Variants in NLRP14 observed in about 807,000 individuals in gnomAD.
NLRP14 encodes the protein NLR family pyrin domain containing 14, also known as NACHT, LRR and PYD domains-containing protein 14.
In NLRP14, 105 loss-of-function variants were observed where a neutral mutation model predicts 94.7. That is an observed-to-expected ratio of 1.11 (90% CI 0.95 to 1.30). The LOEUF (loss-of-function observed/expected upper bound fraction) is 1.30, where lower values mean the gene tolerates loss of function less well. NLRP14 is among the 50% of genes most tolerant of loss of function. The pLI is 0.00. For synonymous variants in NLRP14, 508 were observed against 459.9 expected (o/e 1.10, Z -1.34); for missense variants, 1,362 against 1,254.1 (o/e 1.09, Z -1.30).
intron 8 of NLRP14, 115 bp downstream of exon 8, chr11:7,058,565 TGAA>T: frequency 1.3e-6 from 1 of 766,372 alleles, no homozygotes; most frequent in South Asian, 1.6e-5. Context: ...TTACCCTTAA[TGAA>T]GAAGGTGAAA....
intron 1 of NLRP14, among the ~76,000 whole-genome samples, chr11:7,030,783 C>G (rs1247337360): frequency 3.9e-5 from 6 of 152,180 alleles, no homozygotes; most frequent in African/African-American, 1.4e-4. Flanking sequence ...TGGGAGTCAG[C>G]CAGTCTGGGA....
intron 1 of NLRP14, among the ~76,000 whole-genome samples, chr11:7,033,382 A>C (rs1026160319): frequency 5.3e-5 from 8 of 152,198 alleles, no homozygotes; most frequent in African/African-American, 1.9e-4. Flanking sequence ...AATTTCCCCA[A>C]TTTTTAATAT....
chr11:7,058,483 T>A, intron 8 of NLRP14, 33 bp downstream of exon 8: 1 of 1,479,728 alleles, frequency 6.8e-7, no homozygotes, highest in Non-Finnish European at 9.4e-7. Flanking sequence ...CCTTAATATA[T>A]ATTGTACATT....
At chr11:7,065,260 G>A (rs1299769174) in intron 10 of NLRP14, among the ~76,000 whole-genome samples, 1 of 152,036 alleles carries the variant, frequency 6.6e-6, no homozygotes, top group African/African-American at 2.4e-5. Context: ...TTTTTCTTGA[G>A]TGGTCTTGTA....
Position 7,046,813 on chromosome 11 carries a change from T to G in NLRP14, c.2104T>G (p.Cys702Gly), listed in dbSNP as rs761134751. 2 of 1,613,484 alleles carry G rather than the reference T, an allele frequency of 1.2e-6. No homozygotes were observed. The highest frequency in any genetic ancestry group is 1.7e-6 in the Non-Finnish European group (2 of 1,179,446). Residue 702 changes from cysteine to glycine, a missense_variant, in exon 5 of 12, where the codon TGT becomes GGT. By Grantham distance (159) the Cys-to-Gly change is radical. Transcript: ENST00000299481. ...ILHHELRHPN[C>G]KLQKLLLKFI... is the part of the protein sequence containing the mutation. ...GCATCATGAACTAAGGCACCCAAAC[T>G]GTAAACTACAAAAGCTACTGTAAGT...
chr11:7,049,872 T>C, intron 6 of NLRP14, 34 bp downstream of exon 6: 1 of 1,584,454 alleles, frequency 6.3e-7, no homozygotes, highest in Non-Finnish European at 8.7e-7. Context: ...TGTTTTGTTT[T>C]TATAATTGAG....
intron 5 of NLRP14, among the ~76,000 whole-genome samples, chr11:7,047,907 G>A (rs1172602025): frequency 1.3e-5 from 2 of 151,372 alleles, no homozygotes; most frequent in African/African-American, 4.9e-5. Flanking sequence ...CTACAGGCAC[G>A]CAGCACCACA....
chr11:7,056,070 C>G (rs1201850146), intron 6 of NLRP14, among the ~76,000 whole-genome samples: 1 of 151,986 alleles, frequency 6.6e-6, no homozygotes, highest in East Asian at 1.9e-4. Context: ...TATATTAATA[C>G]AGGTGAGAAA....
the NLRP14 span, chr11:7,089,404 G>T: frequency 6.3e-7 from 1 of 1,587,568 alleles, no homozygotes; most frequent in South Asian, 1.1e-5. Flanking sequence ...AGCCGGCGGG[G>T]CCCGCCGCCT....
At position 7,038,647 on chromosome 11, in the gene NLRP14, G is replaced by A. The variant is rs11041150; in HGVS notation, c.61G>A (p.Glu21Lys). 8.3e-4 allele frequency: 1,337 copies of A among 1,613,846 alleles called. 18 individuals are homozygous for A. The East Asian group carries it at 0.026, about 31-fold the overall frequency. The change falls in exon 2 of 12, where the codon GAG becomes AAG. Residue 21 changes from glutamate to lysine, a missense_variant. By Grantham distance (56) the Glu-to-Lys change is moderately conservative. Coordinates refer to ENST00000299481, the MANE Select transcript of NLRP14 (RefSeq NM_176822.4). ...TTTTGGGCTGCTATTGTATTTGGAGGAGCTAAACAAAGAGGAATTAAATAC... is the reference window on the plus strand; with the variant it reads ...TTTTGGGCTGCTATTGTATTTGGAGAAGCTAAACAAAGAGGAATTAAATAC... ...PDFGLLLYLE[E>K]LNKEELNTFK... is the part of the protein sequence containing the mutation.
chr11:7,067,261 G>A (rs182766740), intron 10 of NLRP14, among the ~76,000 whole-genome samples: 1 of 152,170 alleles, frequency 6.6e-6, no homozygotes, highest in Middle Eastern at 3.4e-3. Flanking sequence ...AGCTTGATGG[G>A]GATAGCATTG....
intron 1 of NLRP14, among the ~76,000 whole-genome samples, chr11:7,035,256 G>A (rs1852145366): frequency 6.6e-6 from 1 of 152,184 alleles, no homozygotes; most frequent in African/African-American, 2.4e-5. Context: ...AGGAGGGAAG[G>A]CAGAGGTTGC....
intron 8 of NLRP14, among the ~76,000 whole-genome samples, chr11:7,059,089 A>C (rs1852569623): frequency 6.6e-6 from 1 of 151,630 alleles, no homozygotes; most frequent in African/African-American, 2.4e-5. Flanking sequence ...TTAAATCTTG[A>C]GCATCTTTTC....
At chr11:7,027,558 G>A (rs969894167) in intron 1 of NLRP14, among the ~76,000 whole-genome samples, 3 of 152,152 alleles carry the variant, frequency 2.0e-5, no homozygotes, top group African/African-American at 7.2e-5. Flanking sequence ...TTCAGCATAT[G>A]AATTTGGGAG....
intron 1 of NLRP14, among the ~76,000 whole-genome samples, chr11:7,036,456 G>A (rs1852161661): frequency 6.6e-6 from 1 of 151,982 alleles, no homozygotes; most frequent in African/African-American, 2.4e-5. Flanking sequence ...ACCCAGAAAG[G>A]AGGAGGAAAA....
At chr11:7,051,281 G>A (rs2119653166) in intron 6 of NLRP14, among the ~76,000 whole-genome samples, 1 of 152,290 alleles carries the variant, frequency 6.6e-6, no homozygotes. Context: ...AGCAATCAAT[G>A]GTCCTATTAA....
intron 8 of NLRP14, 108 bp downstream of exon 8, chr11:7,058,558 C>T (rs145397155): frequency 0.018 from 14,437 of 818,544 alleles, 167 homozygotes; most frequent in Non-Finnish European, 0.023. Flanking sequence ...TTCCCTGTTA[C>T]CCTTAATGAA....
chr11:7,066,043 C>A (rs1345920884), intron 10 of NLRP14, among the ~76,000 whole-genome samples: 8 of 152,038 alleles, frequency 5.3e-5, no homozygotes, highest in Non-Finnish European at 7.4e-5. Flanking sequence ...TGAACTCATC[C>A]TTTTTTATGG....
At chr11:7,021,858 A>AC (rs1851946795) in intron 1 of NLRP14, among the ~76,000 whole-genome samples, 1 of 151,572 alleles carries the variant, frequency 6.6e-6, no homozygotes, top group African/African-American at 2.4e-5. Flanking sequence ...AGAGACATTG[A>AC]CCGGTAAGAA....
Sources: allele counts gnomAD v4.1 joint callset (sites outside exome capture counted in the v4.1 genomes callset), GRCh38; gene constraint gnomAD v4.1.1; transcripts MANE v1.5; gene names NCBI Gene and HGNC (gene_info 2026-07-23, HGNC 2026-07-21).